TRIM8: variants seen among roughly 807,000 people sequenced by gnomAD.
TRIM8 encodes the protein E3 ubiquitin-protein ligase TRIM8.
Under a neutral mutation model 55.7 loss-of-function variants are expected in TRIM8, and 9 were observed. The ratio of observed to expected loss-of-function variants is 0.16; its 90% CI spans 0.10 to 0.28. The LOEUF is 0.28. Ranked by LOEUF, TRIM8 falls within the 10% of genes least tolerant of loss-of-function variation. TRIM8 has a pLI of 1.00. For synonymous variants in TRIM8, 335 were observed against 333.3 expected (o/e 1.01, Z -0.06); for missense variants, 556 against 736.4 (o/e 0.76, Z 2.83).
In TRIM8 at chr10:102,645,211, G is replaced by GCGCGCA. The variant is rs767811785; in HGVS notation, c.570+25_570+26insGCGCAC. 4 of 1,408,472 alleles carry GCGCGCA rather than the reference G, an allele frequency of 2.8e-6. No individual in the cohort carries two copies. In the East Asian group the frequency reaches 1.0e-4, roughly 36 times the overall value. The allele number at this position is 1,408,472 out of a possible 1,614,324, so 87.2% of individuals were successfully genotyped here. ...GGGCAAGTACCCTACGCGCGCGCGC[G>GCGCGCA]CACACACACACACACAGACACACAG... On this transcript the variant is annotated intron_variant, in intron 1 of 5. Transcript: ENST00000643721.
intron 1 of TRIM8, among the ~76,000 whole-genome samples, chr10:102,646,321 G>A (rs886854887): frequency 6.6e-6 from 1 of 152,172 alleles, no homozygotes; most frequent in East Asian, 1.9e-4. Context: ...ATATCTGGGG[G>A]CTAGGCTGCA....
At position 102,657,366 on chromosome 10, in the gene TRIM8, C is replaced by G; in HGVS notation, c.*12C>G. On this transcript the variant is annotated 3_prime_UTR_variant, in exon 6 of 6. Coordinates refer to ENST00000643721, the MANE Select transcript of TRIM8 (RefSeq NM_030912.3). ...ACGTGACGAGCTAACGCCACGCAGGCGGCGGGGCGCTGGGGAATCTTCCTC... is the reference window on the plus strand; with the variant it reads ...ACGTGACGAGCTAACGCCACGCAGGGGGCGGGGCGCTGGGGAATCTTCCTC... 6.5e-7 allele frequency: 1 copy of G among 1,540,508 alleles called. No homozygotes were observed. The highest frequency in any genetic ancestry group is 1.2e-5 in the South Asian group (1 of 80,322).
At position 102,657,659 on chromosome 10, in the gene TRIM8, C is replaced by T. The variant is rs1034723331; in HGVS notation, c.*305C>T. ...CTCTCTCTCTGTTTCTCCTTTTTTCCTCTACTCCTTCCCCTTCACACCCCC... is the reference window on the plus strand; with the variant it reads ...CTCTCTCTCTGTTTCTCCTTTTTTCTTCTACTCCTTCCCCTTCACACCCCC... On this transcript the variant is annotated 3_prime_UTR_variant, in exon 6 of 6. Coordinates refer to ENST00000643721, the MANE Select transcript of TRIM8 (RefSeq NM_030912.3). 3.3e-5 allele frequency: 9 copies of T among 271,522 alleles called. No individual in the cohort carries two copies. The East Asian group carries it at 4.9e-4, about 15-fold the overall frequency. The allele number at this position is 271,522 out of a possible 1,614,324, so 16.8% of individuals were successfully genotyped here. A position where few individuals can be genotyped will look rare whatever the true frequency, so the allele number is the denominator to read the frequency against.
intron 1 of TRIM8, among the ~76,000 whole-genome samples, chr10:102,651,991 C>T (rs537229111): frequency 1.4e-4 from 21 of 152,330 alleles, no homozygotes; most frequent in African/African-American, 4.8e-4. Context: ...GGTGCCCCTG[C>T]GCCTGCCCAC....
At position 102,644,541 on chromosome 10, in the gene TRIM8, G is replaced by A; in HGVS notation, c.-77G>A. ...GGGGCCGGAGCTCGGGGCTCGGTGG[G>A]CCTACAGCGGCTCCGGACGGACCCC... On this transcript the variant is annotated 5_prime_UTR_variant, in exon 1 of 6. Coordinates refer to ENST00000643721, the MANE Select transcript of TRIM8 (RefSeq NM_030912.3). 7.0e-7 allele frequency: 1 copy of A among 1,431,944 alleles called. No homozygotes were observed. The highest frequency in any genetic ancestry group is 9.5e-7 in the Non-Finnish European group (1 of 1,053,968). The allele number at this position is 1,431,944 out of a possible 1,614,324, so 88.7% of individuals were successfully genotyped here.
rs558248050 is a variant in TRIM8, at chr10:102,644,755, C to T, written c.138C>T (p.Asp46=). ...GCATCGGCGAGGCGTGGGCCAAGGACAGCGGCCTCGTACGCTGCCCAGAGT... is the reference window on the plus strand; with the variant it reads ...GCATCGGCGAGGCGTGGGCCAAGGATAGCGGCCTCGTACGCTGCCCAGAGT... ...RGCIGEAWAK[D]SGLVRCPECN... is the part of the protein sequence containing the mutation. The change falls in exon 1 of 6, where the codon GAC becomes GAT. Residue 46 remains aspartate (D), a synonymous_variant. Transcript: ENST00000643721. 35 of 1,613,256 alleles carry T rather than the reference C, an allele frequency of 2.2e-5. No individual in the cohort carries two copies. The South Asian group carries it at 3.4e-4, about 16-fold the overall frequency.
At chr10:102,651,573 G>A (rs954741390) in intron 1 of TRIM8, among the ~76,000 whole-genome samples, 2 of 152,244 alleles carry the variant, frequency 1.3e-5, no homozygotes, top group African/African-American at 4.8e-5. Context: ...GGTGGGTTTG[G>A]TCGTGGAGAA....
rs1292697907 is a variant in TRIM8 at position 102,645,197 on chromosome 10, C to T, written c.570+10C>T. 1.3e-6 allele frequency: 2 copies of T among 1,525,922 alleles called. No homozygotes were observed. Among genetic ancestry groups the T allele is most frequent in the Non-Finnish European group, 1.7e-6 (2 of 1,143,708 alleles). 94.5% of individuals were successfully genotyped at this position (1,525,922 alleles called of 1,614,324 possible). On this transcript the variant is annotated intron_variant, in intron 1 of 5. Coordinates refer to ENST00000643721, the MANE Select transcript of TRIM8 (RefSeq NM_030912.3). ...AAGGAATGAAATCCGGGCAAGTACC[C>T]TACGCGCGCGCGCGCACACACACAC...
Position 102,656,721 on chromosome 10 carries a change from G to A in TRIM8, c.1049-26G>A, listed in dbSNP as rs933087540. On this transcript the variant is annotated intron_variant, in intron 5 of 5. Transcript: ENST00000643721. This position sits in a 1 kb window ranked among gnomAD's most constrained non-coding sequence, Gnocchi z 4.6. ...TGGGTTGCTTGGGGTGGGAGCTTTGGCGACTTTTGCCCCAACTCTCCACAG... is the reference window on the plus strand; with the variant it reads ...TGGGTTGCTTGGGGTGGGAGCTTTGACGACTTTTGCCCCAACTCTCCACAG... 6.0e-6 allele frequency: 9 copies of A among 1,506,786 alleles called. No homozygotes were observed. The African/African-American group carries it at 1.3e-4, about 21-fold the overall frequency. 93.3% of individuals were successfully genotyped at this position (1,506,786 alleles called of 1,614,324 possible).
rs2064028746 is a variant in TRIM8, at chr10:102,656,787, C to T, written c.1089C>T (p.Pro363=). ...STPVPFLQSV[P]LYPCGVSSSG... is the part of the protein sequence containing the mutation. Reference sequence around the variant, plus strand: ...CGGTGCCCTTCCTGCAGAGTGTCCCCCTGTACCCTTGCGGCGTGAGCAGCT... The same window carrying T: ...CGGTGCCCTTCCTGCAGAGTGTCCCTCTGTACCCTTGCGGCGTGAGCAGCT... The change falls in exon 6 of 6, where the codon CCC becomes CCT. Residue 363 remains proline (P), a synonymous_variant. Transcript: ENST00000643721. This position sits in a 1 kb window ranked among gnomAD's most constrained non-coding sequence, Gnocchi z 4.6. 1 of 1,519,594 alleles carries T rather than the reference C, an allele frequency of 6.6e-7. No homozygotes were observed. Among genetic ancestry groups the T allele is most frequent in the Non-Finnish European group, 8.8e-7 (1 of 1,135,076 alleles). The allele number at this position is 1,519,594 out of a possible 1,614,324, so 94.1% of individuals were successfully genotyped here.
At chr10:102,654,287 A>G (rs1386139609) in intron 1 of TRIM8, 1 of 175,526 alleles carries the variant, frequency 5.7e-6, no homozygotes, top group Non-Finnish European at 1.2e-5. Flanking sequence ...CTACAAAAAA[A>G]TTAGCTGGGC....
At chr10:102,650,509 C>T (rs1171958496) in intron 1 of TRIM8, among the ~76,000 whole-genome samples, 2 of 152,188 alleles carry the variant, frequency 1.3e-5, no homozygotes, top group African/African-American at 2.4e-5. Flanking sequence ...CTGGGCCCCA[C>T]CTAGTCCCAG....
Position 102,656,809 on chromosome 10 carries a change from A to G in TRIM8, c.1111A>G (p.Ser371Gly). The G allele has an allele frequency of 2.0e-6, 3 of 1,522,916 alleles. No homozygotes were observed. Among genetic ancestry groups the G allele is most frequent in the Middle Eastern group, 3.6e-4 (2 of 5,618 alleles). 94.3% of individuals were successfully genotyped at this position (1,522,916 alleles called of 1,614,324 possible). ...SVPLYPCGVS[S>G]SGAEKRKHST... is the part of the protein sequence containing the mutation. ...CCCCCTGTACCCTTGCGGCGTGAGC[A>G]GCTCTGGGGCGGAAAAGCGCAAGCA... The change falls in exon 6 of 6, where the codon AGC (serine) becomes GGC (glycine). Residue 371 changes from serine to glycine, a missense_variant. Transcript: ENST00000643721. This position sits in a 1 kb window ranked among gnomAD's most constrained non-coding sequence, Gnocchi z 4.6.
At chr10:102,653,209 G>A (rs968975961) in intron 1 of TRIM8, among the ~76,000 whole-genome samples, 10 of 152,182 alleles carry the variant, frequency 6.6e-5, no homozygotes, top group Non-Finnish European at 1.3e-4. Context: ...GCCCCACCCC[G>A]TAGCCAGGAC....
Position 102,645,041 on chromosome 10 carries a change from G to T in TRIM8, c.424G>T (p.Ala142Ser), listed in dbSNP as rs1341978982. 1 of 1,591,488 alleles carries T rather than the reference G, an allele frequency of 6.3e-7. No homozygotes were observed. Among genetic ancestry groups the T allele is most frequent in the Non-Finnish European group, 8.5e-7 (1 of 1,175,908 alleles). The part of the protein sequence containing the change: ...HLLVEADDVR[A>S]WSCPQHNAYR... ...CCTGGTGGAGGCGGACGACGTGCGG[G>T]CCTGGAGCTGCCCGCAGCACAACGC... Residue 142 changes from alanine (A) to serine (S), a missense_variant, in exon 1 of 6, where the codon GCC becomes TCC. Transcript: ENST00000643721.
chr10:102,645,374 T>C (rs2063925737), intron 1 of TRIM8, 187 bp downstream of exon 1: 1 of 601,810 alleles, frequency 1.7e-6, no homozygotes. Flanking sequence ...GGGTCGCTAC[T>C]TGGTACATTC....
At position 102,644,810 on chromosome 10, in the gene TRIM8, C is replaced by T; in HGVS notation, c.193C>T (p.Leu65=). 3 of 1,613,254 alleles carry T rather than the reference C, an allele frequency of 1.9e-6. No individual in the cohort carries two copies. Among genetic ancestry groups the T allele is most frequent in the East Asian group, 4.5e-5 (2 of 44,868 alleles). Residue 65 remains leucine, a synonymous_variant, in exon 1 of 6, where the codon CTG becomes TTG. Transcript: ENST00000643721. ...CNQAYNQKPG[L]EKNLKLTNIV... ...CCAGGCCTACAACCAGAAGCCGGGC[C>T]TGGAGAAGAACCTGAAGCTCACCAA...
At chr10:102,648,775 G>A (rs2063956308) in intron 1 of TRIM8, among the ~76,000 whole-genome samples, 1 of 152,184 alleles carries the variant, frequency 6.6e-6, no homozygotes, top group South Asian at 2.1e-4. Context: ...CTGCAGGGGT[G>A]TGTGTGTTTG....
At chr10:102,648,368 G>A (rs532468090) in intron 1 of TRIM8, among the ~76,000 whole-genome samples, 1 of 152,278 alleles carries the variant, frequency 6.6e-6, no homozygotes, top group African/African-American at 2.4e-5. Flanking sequence ...GTCTATGCAG[G>A]TGTATCTGCT....
Sources: allele counts gnomAD v4.1 joint callset (sites outside exome capture counted in the v4.1 genomes callset), GRCh38; gene constraint gnomAD v4.1.1; non-coding constraint Gnocchi (gnomAD v3.1); transcripts MANE v1.5; gene names NCBI Gene and HGNC (gene_info 2026-07-23, HGNC 2026-07-21).